MSI2: variants seen among roughly 807,000 people sequenced by gnomAD.
MSI2 encodes the protein RNA-binding protein Musashi homolog 2.
A neutral mutation model predicts 45.6 loss-of-function variants in MSI2; 17 were observed. That is an observed-to-expected ratio of 0.37 (90% CI 0.26 to 0.56). The LOEUF is 0.56. Among genes scored for constraint, MSI2 ranks in the 20% least tolerant of loss-of-function variants. MSI2 has a pLI of 0.77. For missense variants in MSI2, 293 were observed against 444.2 expected (o/e 0.66, Z 3.06); for synonymous variants, 156 against 158.2 (o/e 0.99, Z 0.11).
intron 5 of MSI2, among the ~76,000 whole-genome samples, chr17:57,338,514 A>G (rs1465275432): frequency 6.6e-6 from 1 of 152,218 alleles, no homozygotes; most frequent in Non-Finnish European, 1.5e-5. Flanking sequence ...CCATGAGACC[A>G]TAAATAAAGA....
At chr17:57,261,820 T>A (rs1389172096) in intron 4 of MSI2, among the ~76,000 whole-genome samples, 1 of 152,168 alleles carries the variant, frequency 6.6e-6, no homozygotes, top group Non-Finnish European at 1.5e-5. Context: ...CATAGCAAAT[T>A]AGATGTAGAT....
chr17:57,447,490 A>C (rs1001163478), intron 6 of MSI2, among the ~76,000 whole-genome samples: 1 of 151,934 alleles, frequency 6.6e-6, no homozygotes, highest in Non-Finnish European at 1.5e-5. Flanking sequence ...TCCATGTTTT[A>C]TCTGAGTCCT....
downstream of MSI2, among the ~76,000 whole-genome samples, chr17:57,686,301 T>C (rs1452319833): frequency 6.6e-6 from 1 of 151,952 alleles, no homozygotes; most frequent in East Asian, 1.9e-4. Flanking sequence ...GTTTTAATGT[T>C]TCATGGAGAA....
chr17:57,285,677 G>A (rs1226452696), intron 5 of MSI2, among the ~76,000 whole-genome samples: 2 of 152,218 alleles, frequency 1.3e-5, no homozygotes, highest in Non-Finnish European at 2.9e-5. Context: ...AATTCTGTGG[G>A]ATGGAACTGA....
chr17:57,537,692 G>A (rs145603285), intron 7 of MSI2, among the ~76,000 whole-genome samples: 8 of 152,216 alleles, frequency 5.3e-5, no homozygotes, highest in Admixed American at 2.0e-4. Flanking sequence ...CCATTCCGGC[G>A]CTGTCTCTTG....
rs7223884 is a variant in MSI2 at position 57,280,363 on chromosome 17, G to C, written c.312+18171G>C. Among the ~76,000 whole-genome samples the C allele has an allele frequency of 5.9e-5, 9 of 151,972 alleles. No individual in the cohort carries two copies. Among genetic ancestry groups the C allele is most frequent in the Admixed American group, 5.9e-4 (9 of 15,280 alleles). ...CCCAGGGGGCTGTGGGGGAATCAGT[G>C]AGTAAGTTGTTGTGGTGATCCACTT... On this transcript the variant is annotated intron_variant, in intron 5 of 13. Coordinates refer to ENST00000284073, the MANE Select transcript of MSI2 (RefSeq NM_138962.4). This position sits in a 1 kb window ranked among gnomAD's most constrained non-coding sequence, Gnocchi z 4.2.
At chr17:57,650,879 G>A (rs1027470106) in intron 10 of MSI2, among the ~76,000 whole-genome samples, 5 of 152,170 alleles carry the variant, frequency 3.3e-5, no homozygotes, top group Admixed American at 6.5e-5. Context: ...GACGGTGCAT[G>A]TCTTCCTCTC....
chr17:57,332,100 ATTTTTTTT>A (rs138835359), intron 5 of MSI2, among the ~76,000 whole-genome samples: 1 of 136,432 alleles, frequency 7.3e-6, no homozygotes, highest in Non-Finnish European at 1.6e-5. Flanking sequence ...TCATGTTGCC[ATTTTTTTT>A]TTTTTTTTTT....
intron 6 of MSI2, among the ~76,000 whole-genome samples, chr17:57,490,538 T>C (rs1008335922): frequency 6.6e-6 from 1 of 152,222 alleles, no homozygotes; most frequent in African/African-American, 2.4e-5. Flanking sequence ...GAAGGGCTTG[T>C]GCATGCCTTT....
chr17:57,401,341 C>G (rs1411363923), intron 5 of MSI2, 38 bp from the exon 6 acceptor site: 5 of 1,551,776 alleles, frequency 3.2e-6, no homozygotes, highest in Non-Finnish European at 4.5e-6. Context: ...TTTAGATAAC[C>G]TGGTTAACCC....
chr17:57,627,411 G>A lies in MSI2; in HGVS notation c.727+108G>A. 1.1e-6 allele frequency: 1 copy of A among 952,310 alleles called. No individual in the cohort carries two copies. Among genetic ancestry groups the A allele is most frequent in the Non-Finnish European group, 1.7e-6 (1 of 583,310 alleles). 59.0% of individuals were successfully genotyped at this position (952,310 alleles called of 1,614,324 possible). ...ATGCATTTCTTACATGCATCCACTT[G>A]AAAATGACCTATACATGATAAATTT... is the stretch of plus-strand genomic sequence containing the variant. On this transcript the variant is annotated intron_variant, in intron 10 of 13. Coordinates refer to ENST00000284073, the MANE Select transcript of MSI2 (RefSeq NM_138962.4). The surrounding 1 kb of genome is among the most constrained non-coding windows in gnomAD (Gnocchi z 4.6).
At chr17:57,317,671 C>T (rs180755830) in intron 5 of MSI2, among the ~76,000 whole-genome samples, 62 of 151,932 alleles carry the variant, frequency 4.1e-4, no homozygotes, top group African/African-American at 1.5e-3. Context: ...TTTTGACACA[C>T]GGAATAGATA....
chr17:57,688,471 CTA>C (rs1913924196), downstream of MSI2, among the ~76,000 whole-genome samples: 1 of 151,984 alleles, frequency 6.6e-6, no homozygotes, highest in African/African-American at 2.4e-5. Context: ...TTCCCCATCA[CTA>C]GGGAAATTAT....
At chr17:57,286,200 GT>G (rs1315210766) in intron 5 of MSI2, among the ~76,000 whole-genome samples, 2 of 146,956 alleles carry the variant, frequency 1.4e-5, no homozygotes, top group African/African-American at 2.5e-5. Flanking sequence ...AGTTTCACTT[GT>G]TTTTTTGACA....
chr17:57,528,182 T>G (rs2086745293), intron 6 of MSI2, among the ~76,000 whole-genome samples: 1 of 151,852 alleles, frequency 6.6e-6, no homozygotes, highest in Non-Finnish European at 1.5e-5. Context: ...GGCTGCACAC[T>G]GGTCAGACCA....
At chr17:57,326,888 T>A in intron 5 of MSI2, among the ~76,000 whole-genome samples, 1 of 152,220 alleles carries the variant, frequency 6.6e-6, no homozygotes, top group Non-Finnish European at 1.5e-5. Flanking sequence ...CTTGTCCCAC[T>A]GCAGTGTTTG....
chr17:57,503,360 T>C (rs892902642), intron 6 of MSI2, among the ~76,000 whole-genome samples: 2 of 152,248 alleles, frequency 1.3e-5, no homozygotes, highest in African/African-American at 2.4e-5. Flanking sequence ...CACACACATA[T>C]ACGTTTTGCT....
intron 6 of MSI2, among the ~76,000 whole-genome samples, chr17:57,467,742 A>C (rs1428570659): frequency 6.6e-6 from 1 of 152,118 alleles, no homozygotes; most frequent in Non-Finnish European, 1.5e-5. Flanking sequence ...GAATCCCGAC[A>C]GTCTTCCGTG....
At chr17:57,348,378 C>T (rs1025021422) in intron 5 of MSI2, among the ~76,000 whole-genome samples, 3 of 152,068 alleles carry the variant, frequency 2.0e-5, no homozygotes, top group South Asian at 2.1e-4. Context: ...TGATGTGGTT[C>T]GGATATGTGT....
Sources: allele counts gnomAD v4.1 joint callset (sites outside exome capture counted in the v4.1 genomes callset), GRCh38; gene constraint gnomAD v4.1.1; non-coding constraint Gnocchi (gnomAD v3.1); transcripts MANE v1.5; gene names NCBI Gene and HGNC (gene_info 2026-07-23, HGNC 2026-07-21).